Variants in COL14A1 observed in about 807,000 individuals in gnomAD.
COL14A1 encodes the protein collagen type XIV alpha 1 chain.
In COL14A1, 136 loss-of-function variants were observed where a neutral mutation model predicts 230.3. The observed-to-expected ratio is 0.59, with a 90% CI of 0.51 to 0.68. COL14A1 has a LOEUF of 0.68. Among genes scored for constraint, COL14A1 ranks in the 30% least tolerant of loss-of-function variants. The pLI is 0.00. For missense variants in COL14A1, 1,976 were observed against 2,215.8 expected, an observed-to-expected ratio of 0.89 and a Z score of 2.17; for synonymous variants, 792 against 784.1, an observed-to-expected ratio of 1.01 and a Z score of -0.17.
chr8:120,303,288 G>A (rs919736235), intron 36 of COL14A1, among the ~76,000 whole-genome samples: 1 of 152,134 alleles, frequency 6.6e-6, no homozygotes, highest in Non-Finnish European at 1.5e-5. Flanking sequence ...AATAGGAGTG[G>A]TGAGAGAGAA....
intron 14 of COL14A1, among the ~76,000 whole-genome samples, chr8:120,223,951 C>CTTG (rs1396656072): frequency 6.6e-6 from 1 of 150,658 alleles, no homozygotes; most frequent in African/African-American, 2.4e-5. Flanking sequence ...CCGTGCCCAA[C>CTTG]ACCTCAGTGA....
At chr8:120,185,006 G>T (rs552683795) in intron 5 of COL14A1, among the ~76,000 whole-genome samples, 1 of 152,210 alleles carries the variant, frequency 6.6e-6, no homozygotes, top group East Asian at 1.9e-4. Context: ...TTAACCACAC[G>T]CTGTATAATA....
intron 5 of COL14A1, among the ~76,000 whole-genome samples, chr8:120,178,450 C>A (rs182897119): frequency 1.9e-4 from 29 of 152,240 alleles, no homozygotes; most frequent in African/African-American, 6.0e-4. Flanking sequence ...TGTATATGTG[C>A]CACATTTTCT....
At chr8:120,132,323 C>T (rs1814557883) in intron 1 of COL14A1, among the ~76,000 whole-genome samples, 1 of 152,110 alleles carries the variant, frequency 6.6e-6, no homozygotes, top group Admixed American at 6.5e-5. Context: ...TAGTCCTTTC[C>T]CCATTGCTTG....
intron 1 of COL14A1, among the ~76,000 whole-genome samples, chr8:120,135,056 G>A (rs1001254450): frequency 9.9e-5 from 15 of 152,152 alleles, no homozygotes; most frequent in South Asian, 4.1e-4. Flanking sequence ...AGAGTTCACC[G>A]AACAAAAGAC....
rs34417716 is a variant in COL14A1, at chr8:120,136,959, C to CA, written c.-37-10819dup. ...CCTGTGTGACAGTGAGAGTCTGTCT[C>CA]AAAAAAAAAAAAAAAAAAAAAAAAA... On this transcript the variant is annotated intron_variant, in intron 1 of 47. Transcript: ENST00000297848. Among the ~76,000 whole-genome samples the CA allele has an allele frequency of 4.7e-3, 294 of 62,874 alleles. 8 individuals are homozygous for CA. The highest frequency in any genetic ancestry group is 9.4e-3 in the South Asian group (10 of 1,064). The allele number at this position is 62,874 out of a possible 152,430, so 41.2% of individuals were successfully genotyped here.
intron 34 of COL14A1, among the ~76,000 whole-genome samples, chr8:120,294,848 G>A (rs922543064): frequency 8.6e-5 from 13 of 151,930 alleles, no homozygotes; most frequent in East Asian, 5.8e-4. Flanking sequence ...GTCAGCCCAC[G>A]TAACATTCCT....
chr8:120,368,432 T>A (rs981547574), intron 46 of COL14A1, among the ~76,000 whole-genome samples: 43 of 152,126 alleles, frequency 2.8e-4, no homozygotes, highest in African/African-American at 9.9e-4. Flanking sequence ...ACAGAATGGG[T>A]GGTTGGTGAG....
chr8:120,261,039 A>G (rs923671239), intron 23 of COL14A1, among the ~76,000 whole-genome samples: 3 of 152,216 alleles, frequency 2.0e-5, no homozygotes, highest in Non-Finnish European at 4.4e-5. Context: ...GTTTGATAGT[A>G]CACTAGGGAA....
intron 18 of COL14A1, among the ~76,000 whole-genome samples, chr8:120,229,482 A>G (rs1023219705): frequency 4.6e-5 from 7 of 151,926 alleles, no homozygotes; most frequent in Admixed American, 1.3e-4. Flanking sequence ...TGGTGTATAT[A>G]TGCCACATTT....
Position 120,197,908 on chromosome 8 carries a change from T to A in COL14A1, c.690T>A (p.Tyr230Ter), listed in dbSNP as rs1817095596. 6.2e-7 allele frequency: 1 copy of A among 1,613,560 alleles called. No homozygotes were observed. Among genetic ancestry groups the A allele is most frequent in the Non-Finnish European group, 8.5e-7 (1 of 1,179,696 alleles). ...TTGAAGCTGTCCGAAACCTCCCATA[T>A]AAAGGAGGAAATACACTAACAGGTA... ...EVIEAVRNLP[Y>*]KGGNTLTGLA... Residue 230 changes from tyrosine (Y) to a stop codon, truncating the protein, a stop_gained, in exon 7 of 48, where the codon TAT (tyrosine) becomes TAA (stop). Coordinates refer to ENST00000297848, the MANE Select transcript of COL14A1 (RefSeq NM_021110.4). LOFTEE classifies it high-confidence loss of function.
At chr8:120,324,729 G>A (rs564507382) in intron 40 of COL14A1, among the ~76,000 whole-genome samples, 1 of 152,142 alleles carries the variant, frequency 6.6e-6, no homozygotes, top group African/African-American at 2.4e-5. Context: ...GAATCTTAAG[G>A]TTAGTATCAT....
At position 120,212,431 on chromosome 8, in the gene COL14A1, A is replaced by T; in HGVS notation, c.1468-17A>T. The T allele has an allele frequency of 6.2e-7, 1 of 1,611,978 alleles. No individual in the cohort carries two copies. Among genetic ancestry groups the T allele is most frequent in the African/African-American group, 1.3e-5 (1 of 74,986 alleles). ...ATATGTATTGGCAAATGATCTAACAACATGTGTTCTTTTCAGATGAAAATT... is the reference window on the plus strand; with the variant it reads ...ATATGTATTGGCAAATGATCTAACATCATGTGTTCTTTTCAGATGAAAATT... On this transcript the variant is annotated splice_polypyrimidine_tract_variant and intron_variant, in intron 12 of 47. Coordinates refer to ENST00000297848, the MANE Select transcript of COL14A1 (RefSeq NM_021110.4).
At chr8:120,188,083 A>G (rs1046194224) in intron 5 of COL14A1, among the ~76,000 whole-genome samples, 1 of 137,882 alleles carries the variant, frequency 7.3e-6, no homozygotes, top group African/African-American at 2.5e-5. Context: ...GGAAGGCTTA[A>G]CTTTTTTTTT....
intron 45 of COL14A1, among the ~76,000 whole-genome samples, chr8:120,366,212 T>C (rs373566828): frequency 1.3e-5 from 2 of 152,332 alleles, no homozygotes; most frequent in East Asian, 1.9e-4. Flanking sequence ...AGTAAACAAA[T>C]AGTTATTTGC....
Position 120,357,379 on chromosome 8 carries a change from T to C in COL14A1, c.5078-9792T>C, listed in dbSNP as rs144361831. On this transcript the variant is annotated intron_variant, in intron 45 of 47. Coordinates refer to ENST00000297848, the MANE Select transcript of COL14A1 (RefSeq NM_021110.4). ...TCGTGGGGCATGGTTGAGAATTCAT[T>C]TTCAACGCATAGAGGCTGCTTTCCT... is the stretch of plus-strand genomic sequence containing the variant. 1.4e-4 allele frequency among the ~76,000 whole-genome samples: 21 copies of C among 152,214 alleles called. 1 individual carries two copies. Among genetic ancestry groups the C allele is most frequent in the African/African-American group, 5.1e-4 (21 of 41,532 alleles).
chr8:120,278,448 G>GT lies in COL14A1; in HGVS notation c.3352dup (p.Tyr1118LeufsTer26). ...TCTTTGTTTCAGGAAAAGCAATTAA[G>GT]TATGTTCGAGATACCTTGTTCACTG... On this transcript the variant is annotated frameshift_variant, in exon 28 of 48. Coordinates refer to ENST00000297848, the MANE Select transcript of COL14A1 (RefSeq NM_021110.4). LOFTEE classifies it high-confidence loss of function. 2 of 1,611,196 alleles carry GT rather than the reference G, an allele frequency of 1.2e-6. No homozygotes were observed. The highest frequency in any genetic ancestry group is 1.7e-6 in the Non-Finnish European group (2 of 1,178,868).
Position 120,289,665 on chromosome 8 carries a change from G to A in COL14A1, c.4135G>A (p.Gly1379Ser), listed in dbSNP as rs138410238. Residue 1379 changes from glycine (G) to serine (S), a missense_variant, in exon 34 of 48, where the codon GGT becomes AGT. By Grantham distance (56) the Gly-to-Ser change is moderately conservative. Around this residue, in one of 3 missense-constraint regions of COL14A1, gnomAD observed 1,791 missense variants for 2,019.5 expected, o/e 0.89. Coordinates refer to ENST00000297848, the MANE Select transcript of COL14A1 (RefSeq NM_021110.4). The stretch of plus-strand genomic sequence containing the variant: ...AGTGGTTATTGACTGCAAGCAAGTG[G>A]GTGAGAAGGCAATGAACGCATCAGC... ...VKVVIDCKQV[G>S]EKAMNASANI... 1.2e-6 allele frequency: 2 copies of A among 1,613,912 alleles called. No homozygotes were observed. Among genetic ancestry groups the A allele is most frequent in the African/African-American group, 2.7e-5 (2 of 74,912 alleles).
rs10099065 is a variant in COL14A1, at chr8:120,163,022, G to T, written c.349+453G>T. Among the ~76,000 whole-genome samples the T allele has an allele frequency of 3.6e-3, 546 of 152,210 alleles. 5 individuals carry two copies. Among genetic ancestry groups the T allele is most frequent in the African/African-American group, 0.013 (527 of 41,532 alleles). On this transcript the variant is annotated intron_variant, in intron 4 of 47. Coordinates refer to ENST00000297848, the MANE Select transcript of COL14A1 (RefSeq NM_021110.4). Reference sequence around the variant, plus strand: ...CATATTACAGGCCTGGCATATAATGGGCGCTCCATGAATATGAATGTCTGA... The same window carrying T: ...CATATTACAGGCCTGGCATATAATGTGCGCTCCATGAATATGAATGTCTGA...
Sources: gnomAD v4.1 joint callset for allele counts (sites outside exome capture counted in the v4.1 genomes callset) on GRCh38, gnomAD v4.1.1 for gene constraint, gnomAD v4.1.1 regional missense constraint, MANE v1.5 for transcripts, NCBI Gene and HGNC (gene_info 2026-07-23, HGNC 2026-07-21) for gene names.